NMNAT2: variants seen among roughly 807,000 people sequenced by gnomAD.
NMNAT2 encodes the protein nicotinamide nucleotide adenylyltransferase 2, also known as nicotinamide/nicotinic acid mononucleotide adenylyltransferase 2.
In NMNAT2, 11 loss-of-function variants were observed where a neutral mutation model predicts 41.6. That is an observed-to-expected ratio of 0.26 (90% CI 0.17 to 0.44). The LOEUF (loss-of-function observed/expected upper bound fraction) is 0.44, where lower values mean the gene tolerates loss of function less well. Among genes scored for constraint, NMNAT2 ranks in the 20% least tolerant of loss-of-function variants. The probability of loss-of-function intolerance (pLI) is 1.00; values close to 1 mark genes in which losing one functional copy is unlikely to be tolerated. For missense variants in NMNAT2, 288 were observed against 407.7 expected (o/e 0.71, Z 2.53); for synonymous variants, 148 against 151.2 (o/e 0.98, Z 0.16).
At chr1:183,402,419 G>A (rs1010156411) in intron 1 of NMNAT2, among the ~76,000 whole-genome samples, 14 of 152,246 alleles carry the variant, frequency 9.2e-5, no homozygotes, top group African/African-American at 3.4e-4. Flanking sequence ...TACATAGAAA[G>A]ATGTTGAAAT....
intron 1 of NMNAT2, among the ~76,000 whole-genome samples, chr1:183,329,891 G>A (rs1370735456): frequency 6.6e-6 from 1 of 152,158 alleles, no homozygotes; most frequent in East Asian, 1.9e-4. Context: ...CATTGCATAG[G>A]GTCACCCAGC....
At chr1:183,393,511 C>T (rs2788060) in intron 1 of NMNAT2, among the ~76,000 whole-genome samples, 63,426 of 151,664 alleles carry the variant, frequency 0.42, 13,905 homozygotes, top group East Asian at 0.64. Context: ...CTCTGGAGTG[C>T]TTGAGTGAAT....
At chr1:183,360,489 C>G (rs993206257) in intron 1 of NMNAT2, among the ~76,000 whole-genome samples, 3 of 152,124 alleles carry the variant, frequency 2.0e-5, no homozygotes, top group Non-Finnish European at 4.4e-5. Flanking sequence ...CAGGTCTCCC[C>G]TACCCATCCA....
intron 2 of NMNAT2, 106 bp downstream of exon 2, chr1:183,293,599 G>A: frequency 1.2e-6 from 1 of 822,868 alleles, no homozygotes; most frequent in Non-Finnish European, 2.1e-6. Flanking sequence ...GTGTTTCCAG[G>A]AATCTTAGCA....
chr1:183,352,832 C>T (rs934040189), intron 1 of NMNAT2, among the ~76,000 whole-genome samples: 1 of 152,058 alleles, frequency 6.6e-6, no homozygotes, highest in Non-Finnish European at 1.5e-5. Context: ...CCATGCTCAC[C>T]CCTCTCTGAC....
chr1:183,267,899 A>G (rs538555968), intron 8 of NMNAT2, among the ~76,000 whole-genome samples: 1 of 152,178 alleles, frequency 6.6e-6, no homozygotes, highest in Admixed American at 6.5e-5. Context: ...TCAGGACACA[A>G]TCTTCTCCCC....
intron 1 of NMNAT2, among the ~76,000 whole-genome samples, chr1:183,354,388 G>A (rs1310313311): frequency 6.8e-6 from 1 of 147,500 alleles, no homozygotes; most frequent in African/African-American, 2.5e-5. Context: ...AATCTTACTT[G>A]CCTGTGACCA....
Position 183,257,169 on chromosome 1 carries a change from G to A in NMNAT2, c.821+3833C>T, listed in dbSNP as rs182487210. On this transcript the variant is annotated intron_variant, in intron 10 of 10. Coordinates refer to ENST00000287713, the MANE Select transcript of NMNAT2 (RefSeq NM_015039.4). The stretch of plus-strand genomic sequence containing the variant: ...AGAGTTTAAAATGTATAGGCCAGGC[G>A]TAGTGGTTCATGCCTGTAATACCAG... 3.0e-3 allele frequency among the ~76,000 whole-genome samples: 450 copies of A among 151,800 alleles called. 3 individuals are homozygous for A. The highest frequency in any genetic ancestry group is 4.4e-3 in the Non-Finnish European group (296 of 67,924).
intron 8 of NMNAT2, among the ~76,000 whole-genome samples, chr1:183,262,412 A>G (rs73055728): frequency 0.074 from 11,327 of 152,140 alleles, 936 homozygotes; most frequent in African/African-American, 0.2. Context: ...AGGTGTATAT[A>G]TCCACAATTG....
intron 1 of NMNAT2, among the ~76,000 whole-genome samples, chr1:183,367,439 C>A (rs1281132929): frequency 6.6e-6 from 1 of 152,144 alleles, no homozygotes; most frequent in Non-Finnish European, 1.5e-5. Context: ...GCCTGGGCAA[C>A]AAGCGCAAAA....
intron 1 of NMNAT2, among the ~76,000 whole-genome samples, chr1:183,312,546 A>G (rs1200523673): frequency 2.7e-5 from 4 of 145,542 alleles, no homozygotes; most frequent in Non-Finnish European, 6.0e-5. Context: ...AAAACTATTT[A>G]ATAGTAATTG....
At chr1:183,304,585 G>A in intron 1 of NMNAT2, 1 of 1,293,028 alleles carries the variant, frequency 7.7e-7, no homozygotes, top group Non-Finnish European at 1.1e-6. Context: ...CTCCGCTGGA[G>A]ACAGAATCCT....
chr1:183,271,339 C>T (rs1057417039), intron 8 of NMNAT2, among the ~76,000 whole-genome samples: 2 of 152,110 alleles, frequency 1.3e-5, no homozygotes, highest in African/African-American at 2.4e-5. Context: ...TTCCCCCCAC[C>T]GAATCTTTTA....
intron 1 of NMNAT2, among the ~76,000 whole-genome samples, chr1:183,355,585 C>CA (rs1424785805): frequency 6.6e-6 from 1 of 152,216 alleles, no homozygotes; most frequent in East Asian, 1.9e-4. Flanking sequence ...TTGCCTGACA[C>CA]AGAGCAGACA....
chr1:183,417,085 G>C (rs1204232089), intron 1 of NMNAT2, among the ~76,000 whole-genome samples: 2 of 152,150 alleles, frequency 1.3e-5, no homozygotes, highest in Non-Finnish European at 2.9e-5. Context: ...CTCAATTCCT[G>C]CTTCTAAAGT....
chr1:183,363,565 GACACACACACACATACAC>G (rs1663348535), intron 1 of NMNAT2, among the ~76,000 whole-genome samples: 1 of 121,628 alleles, frequency 8.2e-6, no homozygotes, highest in African/African-American at 2.9e-5. Flanking sequence ...GTCCCCTAGA[GACACACACACACATACAC>G]ACACACACAC....
intron 1 of NMNAT2, among the ~76,000 whole-genome samples, chr1:183,399,527 T>C (rs1292403949): frequency 6.6e-6 from 1 of 151,982 alleles, no homozygotes; most frequent in African/African-American, 2.4e-5. Flanking sequence ...TTCCAATCAA[T>C]AGAAAAAGAG....
intron 1 of NMNAT2, among the ~76,000 whole-genome samples, chr1:183,378,347 T>C (rs1421522368): frequency 6.6e-6 from 1 of 151,396 alleles, no homozygotes; most frequent in Non-Finnish European, 1.5e-5. Flanking sequence ...TGAGCCAAGA[T>C]TGCATTATTG....
intron 1 of NMNAT2, among the ~76,000 whole-genome samples, chr1:183,327,617 C>G (rs769604922): frequency 6.6e-6 from 1 of 152,158 alleles, no homozygotes; most frequent in Non-Finnish European, 1.5e-5. Context: ...TCGTTTCCAA[C>G]GGAGTGGTGG....
Sources: allele counts gnomAD v4.1 joint callset (sites outside exome capture counted in the v4.1 genomes callset), GRCh38; gene constraint gnomAD v4.1.1; transcripts MANE v1.5; gene names NCBI Gene and HGNC (gene_info 2026-07-23, HGNC 2026-07-21).